ANO4: variants seen among roughly 807,000 people sequenced by gnomAD.
ANO4 encodes anoctamin-4.
A neutral mutation model predicts 141.9 loss-of-function variants in ANO4; 69 were observed. That is an observed-to-expected ratio of 0.49 (90% CI 0.40 to 0.59). The LOEUF is 0.59. Ranked by LOEUF, ANO4 falls within the 20% of genes least tolerant of loss-of-function variation. ANO4 has a pLI of 0.00. For synonymous variants in ANO4, 350 were observed against 394.3 expected (o/e 0.89, Z 1.33); for missense variants, 894 against 1,162.2 (o/e 0.77, Z 3.36).
intron 1 of ANO4, among the ~76,000 whole-genome samples, chr12:100,850,762 A>T (rs1020534893): frequency 6.6e-6 from 1 of 152,116 alleles, no homozygotes; most frequent in Non-Finnish European, 1.5e-5. Flanking sequence ...TGAATGCAGA[A>T]ATTATTGATA....
chr12:100,903,375 T>C (rs1408609027), intron 2 of ANO4, among the ~76,000 whole-genome samples: 1 of 152,208 alleles, frequency 6.6e-6, no homozygotes, highest in Non-Finnish European at 1.5e-5. Context: ...CCTTTCCCAG[T>C]ACGTACCAAA....
intron 1 of ANO4, among the ~76,000 whole-genome samples, chr12:100,727,048 T>C (rs2031163537): frequency 6.6e-6 from 1 of 151,876 alleles, no homozygotes; most frequent in Admixed American, 6.6e-5. Context: ...GTAATGATAT[T>C]GATTTATTTT....
intron 5 of ANO4, among the ~76,000 whole-genome samples, chr12:100,949,768 G>T (rs554471167): frequency 3.3e-5 from 5 of 152,258 alleles, no homozygotes; most frequent in African/African-American, 1.2e-4. Context: ...AACAAGTTTA[G>T]CATGATCAAG....
upstream of ANO4, among the ~76,000 whole-genome samples, chr12:100,790,356 G>T (rs1015418952): frequency 2.0e-5 from 3 of 152,172 alleles, no homozygotes; most frequent in Admixed American, 6.5e-5. Context: ...AATTCTAATG[G>T]CTAAGGTAGG....
At position 100,984,787 on chromosome 12, in the gene ANO4, T is replaced by A. The variant is rs143649874; in HGVS notation, c.603-2752T>A. Among the ~76,000 whole-genome samples, 16 of 152,324 alleles carry A rather than the reference T, an allele frequency of 1.1e-4. No homozygotes were observed. In the East Asian group the frequency reaches 3.1e-3, roughly 29 times the overall value. On this transcript the variant is annotated intron_variant, in intron 7 of 27. Transcript: ENST00000392977. Reference sequence around the variant, plus strand: ...GCTTCCTCTTTTTCACATATTTCAATTAATTAATCATTTTAATTACCCTGT... The same window carrying A: ...GCTTCCTCTTTTTCACATATTTCAAATAATTAATCATTTTAATTACCCTGT...
intron 11 of ANO4, among the ~76,000 whole-genome samples, chr12:101,041,337 G>A (rs1026437081): frequency 6.6e-6 from 1 of 152,170 alleles, no homozygotes; most frequent in Non-Finnish European, 1.5e-5. Context: ...CTTAGTGAAT[G>A]GAAAATATTT....
intron 1 of ANO4, among the ~76,000 whole-genome samples, chr12:100,899,858 A>T (rs1235385050): frequency 3.9e-5 from 6 of 152,156 alleles, no homozygotes. Context: ...ATACAACAAC[A>T]TTATAAGGTA....
At chr12:100,892,306 T>C (rs905642805) in intron 1 of ANO4, among the ~76,000 whole-genome samples, 1 of 152,180 alleles carries the variant, frequency 6.6e-6, no homozygotes, top group African/African-American at 2.4e-5. Flanking sequence ...AATCACTCTT[T>C]ATGAATTAAA....
At chr12:101,063,739 G>A (rs1179456477) in intron 14 of ANO4, among the ~76,000 whole-genome samples, 1 of 74,934 alleles carries the variant, frequency 1.3e-5, no homozygotes, top group Non-Finnish European at 2.5e-5. Flanking sequence ...AGGTTGTCCA[G>A]GTTATCTTTT....
At chr12:100,766,799 A>T (rs1330431438) in intron 3 of ANO4, among the ~76,000 whole-genome samples, 1 of 152,142 alleles carries the variant, frequency 6.6e-6, no homozygotes, top group Non-Finnish European at 1.5e-5. Context: ...GTTTATTATT[A>T]AAAATGGGGT....
At chr12:100,939,745 A>G (rs2042430801) in intron 4 of ANO4, among the ~76,000 whole-genome samples, 1 of 152,148 alleles carries the variant, frequency 6.6e-6, no homozygotes, top group Non-Finnish European at 1.5e-5. Flanking sequence ...GTACAAAATA[A>G]ACTTTACAGG....
At chr12:101,063,939 G>A (rs921995036) in intron 14 of ANO4, among the ~76,000 whole-genome samples, 4 of 151,170 alleles carry the variant, frequency 2.6e-5, no homozygotes, top group African/African-American at 9.7e-5. Context: ...CTGTCTAAAA[G>A]TTTATCAGTT....
chr12:101,030,478 G>C (rs959447045), intron 9 of ANO4, among the ~76,000 whole-genome samples: 2 of 152,180 alleles, frequency 1.3e-5, no homozygotes, highest in Admixed American at 6.5e-5. Context: ...AGCTAAAGCA[G>C]TGTTAAGAGG....
chr12:100,719,844 G>T (rs749058907), intron 1 of ANO4, among the ~76,000 whole-genome samples: 36 of 151,992 alleles, frequency 2.4e-4, no homozygotes, highest in African/African-American at 5.1e-4. Context: ...TGCTCTTTCC[G>T]CATTTTAGTA....
At chr12:100,935,728 A>AGGG (rs2042260455) in intron 3 of ANO4, among the ~76,000 whole-genome samples, 2 of 152,330 alleles carry the variant, frequency 1.3e-5, no homozygotes, top group South Asian at 2.1e-4. Context: ...TTCCTAGCTC[A>AGGG]GCTCAGTGTC....
chr12:100,988,390 A>T (rs977216782), intron 8 of ANO4, among the ~76,000 whole-genome samples: 11 of 152,022 alleles, frequency 7.2e-5, no homozygotes, highest in Admixed American at 2.0e-4. Context: ...GACTGTAAAC[A>T]ATAGGAGAAA....
chr12:100,737,816 A>G (rs568817109), intron 2 of ANO4, among the ~76,000 whole-genome samples: 95 of 152,130 alleles, frequency 6.2e-4, no homozygotes, highest in Non-Finnish European at 1.1e-3. Flanking sequence ...CATTTCTTGT[A>G]CTTCAGTCCT....
intron 3 of ANO4, among the ~76,000 whole-genome samples, chr12:100,759,851 C>T (rs1331277057): frequency 6.6e-6 from 1 of 152,172 alleles, no homozygotes; most frequent in African/African-American, 2.4e-5. Context: ...TCTTCTTCCC[C>T]CCATATAAAG....
chr12:100,790,392 G>A (rs2034005492), upstream of ANO4, among the ~76,000 whole-genome samples: 1 of 152,176 alleles, frequency 6.6e-6, no homozygotes, highest in Admixed American at 6.5e-5. Context: ...GGAGAGTTTA[G>A]AAACCATTAT....
Sources: gnomAD v4.1 joint callset for allele counts (sites outside exome capture counted in the v4.1 genomes callset) on GRCh38, gnomAD v4.1.1 for gene constraint, MANE v1.5 for transcripts, NCBI Gene and HGNC (gene_info 2026-07-23, HGNC 2026-07-21) for gene names.